NLRP14: variants seen among roughly 807,000 people sequenced by gnomAD.
NLRP14 encodes NLR family pyrin domain containing 14.
NLRP14 carries 105 observed loss-of-function variants against 94.7 expected under a neutral mutation model. The observed-to-expected ratio is 1.11, with a 90% confidence interval of 0.95 to 1.30. NLRP14 has a LOEUF of 1.30. Ranked by LOEUF, NLRP14 falls within the 50% of genes most tolerant of loss-of-function variation. The pLI is 0.00. For synonymous variants in NLRP14, 508 were observed against 459.9 expected, an observed-to-expected ratio of 1.10 and a Z score of -1.34; for missense variants, 1,362 against 1,254.1, an observed-to-expected ratio of 1.09 and a Z score of -1.30.
At position 7,058,298 on chromosome 11, in the gene NLRP14, C is replaced by T; in HGVS notation, c.2481C>T (p.Leu827=). The T allele has an allele frequency of 6.2e-7, 1 of 1,612,544 alleles. No homozygotes were observed. Among genetic ancestry groups the T allele is most frequent in the Non-Finnish European group, 8.5e-7 (1 of 1,178,844 alleles). ...CTTTCAGCTTAGAAAGCTGTGGTCT[C>T]ACAGAGGCTGGCTGTGAGTATCTTT... The part of the protein sequence containing the change: ...LERLSLESCG[L]TEAGCEYLSL... Residue 827 remains leucine (L), a synonymous_variant, in exon 8 of 12, where the codon CTC becomes CTT. Coordinates refer to ENST00000299481, the MANE Select transcript of NLRP14 (RefSeq NM_176822.4).
At chr11:7,062,652 T>C in intron 10 of NLRP14, 149 bp downstream of exon 10, 1 of 740,890 alleles carries the variant, frequency 1.3e-6, no homozygotes, top group South Asian at 1.5e-5. Context: ...TTCAAATAAA[T>C]GGATCAATGT....
chr11:7,063,375 G>A (rs1392197080), intron 10 of NLRP14, among the ~76,000 whole-genome samples: 1 of 151,970 alleles, frequency 6.6e-6, no homozygotes, highest in African/African-American at 2.4e-5. Context: ...GAGTCTCACA[G>A]GGCTGATGAA....
At position 7,070,427 on chromosome 11, in the gene NLRP14, G is replaced by A. The variant is rs766647878; in HGVS notation, c.3117G>A (p.Lys1039=). 6.2e-7 allele frequency: 1 copy of A among 1,611,838 alleles called. No individual in the cohort carries two copies. The highest frequency in any genetic ancestry group is 1.1e-5 in the South Asian group (1 of 90,988). ...TTGTGAAGTTATATAAAGTCTTGAA[G>A]TCTCCTAAGTGTAAACTACAAGTTC... ...EGIVKLYKVL[K]SPKCKLQVLG... The change falls in exon 11 of 12, where the codon AAG becomes AAA. Residue 1039 remains lysine (K), a synonymous_variant. Transcript: ENST00000299481.
chr11:7,037,416 T>C (rs1482875509), intron 1 of NLRP14, among the ~76,000 whole-genome samples: 1 of 152,022 alleles, frequency 6.6e-6, no homozygotes, highest in Admixed American at 6.5e-5. Context: ...CCGTCTTTTT[T>C]TTCCAATCAT....
intron 10 of NLRP14, among the ~76,000 whole-genome samples, chr11:7,067,893 G>A (rs1407896761): frequency 6.6e-6 from 1 of 151,980 alleles, no homozygotes; most frequent in South Asian, 2.1e-4. Flanking sequence ...TTTGAACTTT[G>A]TAACAATTTC....
chr11:7,053,875 C>A (rs575350737), intron 6 of NLRP14, among the ~76,000 whole-genome samples: 66 of 152,198 alleles, frequency 4.3e-4, no homozygotes, highest in African/African-American at 1.5e-3. Context: ...GTTGTCCTAG[C>A]AAATACTCAG....
At chr11:7,038,920 T>A in intron 2 of NLRP14, 45 bp downstream of exon 2, 2 of 1,586,002 alleles carry the variant, frequency 1.3e-6, no homozygotes, top group African/African-American at 1.3e-5. Flanking sequence ...AGGAAGGAAG[T>A]GTTTCCTGGA....
chr11:7,062,531 A>G, intron 10 of NLRP14, 28 bp downstream of exon 10: 1 of 1,597,716 alleles, frequency 6.3e-7, no homozygotes. Context: ...CATTAGGAAA[A>G]TGATGCCTAT....
At position 7,071,363 on chromosome 11, in the gene NLRP14, G is replaced by T; in HGVS notation, c.*55G>T. 2 of 1,451,558 alleles carry T rather than the reference G, an allele frequency of 1.4e-6. No homozygotes were observed. Among genetic ancestry groups the T allele is most frequent in the South Asian group, 2.4e-5 (2 of 84,302 alleles). 89.9% of individuals were successfully genotyped at this position (1,451,558 alleles called of 1,614,324 possible). The stretch of plus-strand genomic sequence containing the variant: ...ATAAATATAAATACATACATACATA[G>T]ATATATACCCAGACTTGGGTGCTTA... On this transcript the variant is annotated 3_prime_UTR_variant, in exon 12 of 12. Coordinates refer to ENST00000299481, the MANE Select transcript of NLRP14 (RefSeq NM_176822.4).
the NLRP14 span, chr11:7,089,454 C>T: frequency 1.9e-5 from 26 of 1,366,098 alleles, no homozygotes; most frequent in African/African-American, 2.8e-4. Flanking sequence ...GCGCGGAACC[C>T]GCGGGGGTGG....
Position 7,070,404 on chromosome 11 carries a change from G to A in NLRP14, c.3094G>A (p.Val1032Met). ...TQNTLGYEGI[V>M]KLYKVLKSPK... ...GAATACCTTAGGATATGAAGGAATT[G>A]TGAAGTTATATAAAGTCTTGAAGTC... The change falls in exon 11 of 12, where the codon GTG (valine) becomes ATG (methionine). Residue 1032 changes from valine (V) to methionine (M), a missense_variant. Coordinates refer to ENST00000299481, the MANE Select transcript of NLRP14 (RefSeq NM_176822.4). 1.9e-6 allele frequency: 3 copies of A among 1,610,674 alleles called. No individual in the cohort carries two copies. Among genetic ancestry groups the A allele is most frequent in the Non-Finnish European group, 2.5e-6 (3 of 1,177,030 alleles).
At chr11:7,052,362 G>A (rs1158069160) in intron 6 of NLRP14, among the ~76,000 whole-genome samples, 2 of 152,172 alleles carry the variant, frequency 1.3e-5, no homozygotes, top group Non-Finnish European at 2.9e-5. Flanking sequence ...GCCGGGTGTG[G>A]TGGCTCACGC....
chr11:7,052,354 C>T (rs563279371), intron 6 of NLRP14, among the ~76,000 whole-genome samples: 52 of 152,208 alleles, frequency 3.4e-4, no homozygotes, highest in Non-Finnish European at 3.8e-4. Context: ...TAGATAAGGC[C>T]GGGTGTGGTG....
At chr11:7,075,294 C>A (rs1196132634), downstream of NLRP14, among the ~76,000 whole-genome samples, 1 of 152,030 alleles carries the variant, frequency 6.6e-6, no homozygotes, top group Non-Finnish European at 1.5e-5. Flanking sequence ...TATGCAAAGA[C>A]CTAGTATTAA....
chr11:7,032,897 A>G (rs900490621), intron 1 of NLRP14, among the ~76,000 whole-genome samples: 1 of 152,176 alleles, frequency 6.6e-6, no homozygotes, highest in Non-Finnish European at 1.5e-5. Context: ...CCAAGTGTTC[A>G]CTCATGTAAA....
At chr11:7,090,685 C>A in the NLRP14 span, 15 of 306,732 alleles carry the variant, frequency 4.9e-5, no homozygotes, top group Non-Finnish European at 8.5e-5. Context: ...TCATTCTGCT[C>A]ATTTAAACCA....
At chr11:7,046,874 T>A in intron 5 of NLRP14, 42 bp downstream of exon 5, 2 of 1,449,642 alleles carry the variant, frequency 1.4e-6, no homozygotes, top group Non-Finnish European at 1.9e-6. Flanking sequence ...TATTCTAATT[T>A]CTTTCTGTGT....
At chr11:7,073,895 G>A (rs1243085046), downstream of NLRP14, among the ~76,000 whole-genome samples, 1 of 152,126 alleles carries the variant, frequency 6.6e-6, no homozygotes, top group Non-Finnish European at 1.5e-5. Context: ...AGGTAGGCAT[G>A]ATTGATTAAG....
rs758494847 is a variant in NLRP14 at position 7,038,866 on chromosome 11, G to C, written c.280G>C (p.Glu94Gln). The change falls in exon 2 of 12, where the codon GAG (glutamate) becomes CAG (glutamine). Residue 94 changes from glutamate to glutamine, a missense_variant. Coordinates refer to ENST00000299481, the MANE Select transcript of NLRP14 (RefSeq NM_176822.4). ...GGATCTGTGTGAGAGAGCGAAAGAA[G>C]AGATCAACTGTGAGTGATGCTAGGG... Reference protein sequence around the residue: ...LKDLCERAKEEINWSAQTIGP... With the variant: ...LKDLCERAKEQINWSAQTIGP... 12 of 1,613,324 alleles carry C rather than the reference G, an allele frequency of 7.4e-6. No homozygotes were observed. Among genetic ancestry groups the C allele is most frequent in the Non-Finnish European group, 1.0e-5 (12 of 1,179,894 alleles).
Sources: gnomAD v4.1 joint callset for allele counts (sites outside exome capture counted in the v4.1 genomes callset) on GRCh38, gnomAD v4.1.1 for gene constraint, MANE v1.5 for transcripts, NCBI Gene and HGNC (gene_info 2026-07-23, HGNC 2026-07-21) for gene names.